The following AHCY variants were observed in gnomAD, a reference collection of about 807,000 sequenced individuals.
AHCY encodes the protein S-adenosyl-L-homocysteine hydrolase.
In AHCY, 24 loss-of-function variants were observed where a neutral mutation model predicts 45.4. The ratio of observed to expected loss-of-function variants is 0.53; its 90% CI spans 0.38 to 0.74. The LOEUF is 0.74. AHCY is among the 30% of genes least tolerant of loss of function. AHCY has a pLI of 0.00. For synonymous variants in AHCY, 245 were observed against 235.1 expected (o/e 1.04, Z -0.39); for missense variants, 449 against 594.1 (o/e 0.76, Z 2.54).
rs2036389151 is a variant in AHCY, at chr20:34,291,418, C to T, written c.558+1G>A. On this transcript the variant is annotated splice_donor_variant, in intron 5 of 9. Coordinates refer to ENST00000217426, the MANE Select transcript of AHCY (RefSeq NM_000687.4). LOFTEE classifies it high-confidence loss of function. ...GGAGCTGTCACTGCCCCTCGGCTCA[C>T]CTTGGTGACGGAGTCATTGACATTG... is the stretch of plus-strand genomic sequence containing the variant. 6.2e-7 allele frequency: 1 copy of T among 1,613,430 alleles called. No individual in the cohort carries two copies. The highest frequency in any genetic ancestry group is 1.1e-5 in the South Asian group (1 of 91,012).
chr20:34,303,652 C>T (rs550156838), upstream of AHCY, among the ~76,000 whole-genome samples: 11 of 152,334 alleles, frequency 7.2e-5, no homozygotes, highest in East Asian at 1.9e-3. Flanking sequence ...CCTCAATTTC[C>T]TCATCTGTAA....
chr20:34,246,589 T>G, the AHCY span: 7 of 717,552 alleles, frequency 9.8e-6, no homozygotes, highest in African/African-American at 1.0e-4. Flanking sequence ...CTCAGCCTCC[T>G]AGGACCACAG....
chr20:34,291,513 T>G lies in AHCY; in HGVS notation c.464A>C (p.Glu155Ala), dbSNP rs2036394378. 6.2e-7 allele frequency: 1 copy of G among 1,614,022 alleles called. No homozygotes were observed. The highest frequency in any genetic ancestry group is 8.5e-7 in the Non-Finnish European group (1 of 1,179,996). ...GTTGTGGACCCCAGTCGTGGTCTCC[T>G]CAGAGATGCCTCGGATGCCTAAACA... Reference protein sequence around the residue: ...QLLPGIRGISEETTTGVHNLY... With the variant: ...QLLPGIRGISAETTTGVHNLY... The change falls in exon 5 of 10, where the codon GAG becomes GCG. Residue 155 changes from glutamate (E) to alanine (A), a missense_variant. By Grantham distance (107) the Glu-to-Ala change is moderately radical. Transcript: ENST00000217426.
chr20:34,244,090 T>C, the AHCY span, among the ~76,000 whole-genome samples: 1 of 151,950 alleles, frequency 6.6e-6, no homozygotes, highest in Admixed American at 6.6e-5. Flanking sequence ...ACAAAAAAAC[T>C]CTCATTCAAG....
intron 2 of AHCY, among the ~76,000 whole-genome samples, chr20:34,294,362 A>G (rs2036504316): frequency 6.6e-6 from 1 of 152,056 alleles, no homozygotes; most frequent in African/African-American, 2.4e-5. Context: ...TTAAAACCTC[A>G]CTCCAGTGCT....
upstream of AHCY, among the ~76,000 whole-genome samples, chr20:34,306,576 C>T (rs1345280093): frequency 6.6e-6 from 1 of 152,106 alleles, no homozygotes; most frequent in Non-Finnish European, 1.5e-5. Context: ...ACCATGTTGG[C>T]CAGACTGGTC....
At chr20:34,255,441 G>A in the AHCY span, among the ~76,000 whole-genome samples, 541 of 152,198 alleles carry the variant, frequency 3.6e-3, 6 homozygotes, top group African/African-American at 0.012. Context: ...GACCACAGGT[G>A]TGTACTATCA....
At chr20:34,293,178 A>G (rs1338005225) in intron 3 of AHCY, among the ~76,000 whole-genome samples, 1 of 152,126 alleles carries the variant, frequency 6.6e-6, no homozygotes, top group Non-Finnish European at 1.5e-5. Flanking sequence ...TCACTTACAG[A>G]TGCCCAGAGA....
At chr20:34,293,576 C>T (rs1343985474) in intron 3 of AHCY, 1 of 268,092 alleles carries the variant, frequency 3.7e-6, no homozygotes, top group East Asian at 1.0e-4. Context: ...TCCTGTCCAC[C>T]TGTGGTTGGT....
chr20:34,239,336 C>A, the AHCY span, among the ~76,000 whole-genome samples: 1 of 152,108 alleles, frequency 6.6e-6, no homozygotes, highest in Admixed American at 6.5e-5. Context: ...CCTGCCTCAG[C>A]CTCCCAAGTA....
At chr20:34,310,116 C>T (rs562942210) in intron 1 of AHCY, among the ~76,000 whole-genome samples, 4 of 152,120 alleles carry the variant, frequency 2.6e-5, no homozygotes, top group East Asian at 3.9e-4. Flanking sequence ...TGCAGTGGCG[C>T]GATCTTGGCT....
At chr20:34,269,015 G>C in the AHCY span, 1 of 1,607,986 alleles carries the variant, frequency 6.2e-7, no homozygotes, top group South Asian at 1.1e-5. Context: ...GAAGAAAGTG[G>C]TGCGGCCCCG....
chr20:34,255,595 T>TC, the AHCY span, among the ~76,000 whole-genome samples: 1 of 152,218 alleles, frequency 6.6e-6, no homozygotes, highest in South Asian at 2.1e-4. Flanking sequence ...ATATCATTAA[T>TC]CATTAGTTTG....
At chr20:34,297,757 C>G (rs937068852) in intron 1 of AHCY, among the ~76,000 whole-genome samples, 2 of 152,174 alleles carry the variant, frequency 1.3e-5, no homozygotes, top group African/African-American at 4.8e-5. Context: ...GAGATGAATT[C>G]AGAACCAGGC....
the AHCY span, among the ~76,000 whole-genome samples, chr20:34,264,947 C>T: frequency 1.3e-5 from 2 of 152,046 alleles, no homozygotes; most frequent in South Asian, 4.2e-4. Flanking sequence ...GGGTGTGCAC[C>T]ACCATGCCTG....
In AHCY at chr20:34,295,565, A is replaced by C; in HGVS notation, c.49T>G (p.Trp17Gly). Reference protein sequence around the residue: ...YKVADIGLAAWGRKALDIAEN... With the variant: ...YKVADIGLAAGGRKALDIAEN... Reference sequence around the variant, plus strand: ...GCAATGTCCAGGGCCTTGCGTCCCCAGGCAGCCAGGCCGATGTCGGCTACG... The same window carrying C: ...GCAATGTCCAGGGCCTTGCGTCCCCCGGCAGCCAGGCCGATGTCGGCTACG... Residue 17 changes from tryptophan (W) to glycine (G), a missense_variant, in exon 2 of 10, where the codon TGG (tryptophan) becomes GGG (glycine). By Grantham distance (184) the Trp-to-Gly change is radical. Coordinates refer to ENST00000217426, the MANE Select transcript of AHCY (RefSeq NM_000687.4). 6.2e-7 allele frequency: 1 copy of C among 1,614,094 alleles called. No individual in the cohort carries two copies. Among genetic ancestry groups the C allele is most frequent in the Non-Finnish European group, 8.5e-7 (1 of 1,180,014 alleles).
At chr20:34,298,296 TCATTA>T (rs1475153903) in intron 1 of AHCY, among the ~76,000 whole-genome samples, 1 of 152,298 alleles carries the variant, frequency 6.6e-6, no homozygotes, top group Middle Eastern at 3.4e-3. Flanking sequence ...TATATGAATA[TCATTA>T]ATCATTAGTT....
chr20:34,295,260 G>T, intron 2 of AHCY, 135 bp downstream of exon 2: 1 of 1,060,012 alleles, frequency 9.4e-7, no homozygotes, highest in Non-Finnish European at 1.4e-6. Flanking sequence ...AGGAAACCGA[G>T]TGAGAGGGAG....
chr20:34,272,798 C>T, the AHCY span, among the ~76,000 whole-genome samples: 3 of 152,158 alleles, frequency 2.0e-5, no homozygotes, highest in East Asian at 1.9e-4. Flanking sequence ...GCAGGAGGAT[C>T]GCTTGAGCCC....
Sources: gnomAD v4.1 joint callset for allele counts (sites outside exome capture counted in the v4.1 genomes callset) on GRCh38, gnomAD v4.1.1 for gene constraint, MANE v1.5 for transcripts, NCBI Gene and HGNC (gene_info 2026-07-23, HGNC 2026-07-21) for gene names.